EPHA7: variants seen among roughly 807,000 people sequenced by gnomAD.
The protein encoded by EPHA7 is ephrin type-A receptor 7.
EPHA7 carries 25 observed loss-of-function variants against 112.6 expected under a neutral mutation model. The ratio of observed to expected loss-of-function variants is 0.22; its 90% CI spans 0.16 to 0.31. The LOEUF (loss-of-function observed/expected upper bound fraction) is 0.31. Ranked by LOEUF, EPHA7 falls within the 10% of genes least tolerant of loss-of-function variation. The pLI, the probability that EPHA7 is intolerant of heterozygous loss-of-function variation, is 1.00. For missense variants in EPHA7, 962 were observed against 1,212.6 expected (o/e 0.79, Z 3.07); for synonymous variants, 437 against 406.5 (o/e 1.07, Z -0.90).
intron 9 of EPHA7, among the ~76,000 whole-genome samples, chr6:93,262,190 G>A (rs1475448212): frequency 6.6e-6 from 1 of 151,342 alleles, no homozygotes; most frequent in Non-Finnish European, 1.5e-5. Context: ...CTTCCTGTCT[G>A]GGGAAGTGTT....
At chr6:93,389,086 T>C (rs1777774603) in intron 3 of EPHA7, among the ~76,000 whole-genome samples, 1 of 152,052 alleles carries the variant, frequency 6.6e-6, no homozygotes, top group South Asian at 2.1e-4. Flanking sequence ...ATTTTGGAGA[T>C]ATTTGGAGAG....
intron 5 of EPHA7, among the ~76,000 whole-genome samples, chr6:93,294,288 C>A (rs749928959): frequency 6.6e-6 from 1 of 152,096 alleles, no homozygotes; most frequent in African/African-American, 2.4e-5. Flanking sequence ...AAAATAAATT[C>A]TTTTTCATGT....
chr6:93,378,336 G>C (rs193083746), intron 3 of EPHA7, among the ~76,000 whole-genome samples: 1 of 152,202 alleles, frequency 6.6e-6, no homozygotes, highest in Admixed American at 6.5e-5. Context: ...ATAGTGTTAT[G>C]ATAAGACTTG....
At chr6:93,416,580 C>G (rs1201621427) in intron 1 of EPHA7, among the ~76,000 whole-genome samples, 1 of 152,200 alleles carries the variant, frequency 6.6e-6, no homozygotes, top group Non-Finnish European at 1.5e-5. Flanking sequence ...TAATCGGAAG[C>G]CGCTCTCAAG....
chr6:93,316,043 A>G (rs1266914553), intron 5 of EPHA7, among the ~76,000 whole-genome samples: 1 of 152,180 alleles, frequency 6.6e-6, no homozygotes, highest in Admixed American at 6.5e-5. Context: ...GAAAGTGATA[A>G]GAGGGTACAA....
chr6:93,279,562 T>C (rs1006072333), intron 5 of EPHA7, among the ~76,000 whole-genome samples: 3 of 152,138 alleles, frequency 2.0e-5, no homozygotes, highest in Non-Finnish European at 4.4e-5. Flanking sequence ...AATGTGGCAA[T>C]TGTTAAAACT....
At chr6:93,400,215 C>A (rs1477621332) in intron 3 of EPHA7, among the ~76,000 whole-genome samples, 1 of 151,940 alleles carries the variant, frequency 6.6e-6, no homozygotes, top group Non-Finnish European at 1.5e-5. Flanking sequence ...TTTATTTAAC[C>A]TATATATTAG....
chr6:93,280,399 C>A (rs1253385093), intron 5 of EPHA7, among the ~76,000 whole-genome samples: 1 of 152,154 alleles, frequency 6.6e-6, no homozygotes, highest in Non-Finnish European at 1.5e-5. Flanking sequence ...CAAGATTGGG[C>A]ACACATTTTT....
chr6:93,358,210 G>A (rs1191469343), intron 4 of EPHA7, 46 bp downstream of exon 4: 4 of 1,471,830 alleles, frequency 2.7e-6, no homozygotes, highest in Non-Finnish European at 3.6e-6. Context: ...CAGTACAAAT[G>A]AGTGGAAGGG....
chr6:93,246,595 T>C (rs923213334), intron 15 of EPHA7, among the ~76,000 whole-genome samples, 197 bp downstream of exon 15: 16 of 152,146 alleles, frequency 1.1e-4, no homozygotes, highest in Admixed American at 8.5e-4. Context: ...CAATAACTAA[T>C]AGATTCTTTT....
In EPHA7 at chr6:93,243,534, C is replaced by G; in HGVS notation, c.2889G>C (p.Val963=). The change falls in exon 17 of 17, where the codon GTG becomes GTC. Residue 963 remains valine, a synonymous_variant. Coordinates refer to ENST00000369303, the MANE Select transcript of EPHA7 (RefSeq NM_004440.4). ...CAACCAGTGTGATCCCTAAACTCAT[C>G]ACATCCCTGAAAAAGACAAATGCAC... The part of the protein sequence containing the change: ...ESVARMTIED[V]MSLGITLVGH... The G allele has an allele frequency of 6.2e-7, 1 of 1,611,880 alleles. No individual in the cohort carries two copies. Among genetic ancestry groups the G allele is most frequent in the Non-Finnish European group, 8.5e-7 (1 of 1,178,190 alleles).
At position 93,412,550 on chromosome 6, in the gene EPHA7, G is replaced by A. The variant is rs114397777; in HGVS notation, c.163-1380C>T. Among the ~76,000 whole-genome samples the A allele has an allele frequency of 5.1e-3, 783 of 152,124 alleles. 4 individuals carry two copies. The highest frequency in any genetic ancestry group is 0.018 in the African/African-American group (743 of 41,538). ...AATGTAGTAAAGAACCCATTTTAAT[G>A]TTCAGCTTTTACTCAGTTCAACTTG... On this transcript the variant is annotated intron_variant, in intron 2 of 16. Coordinates refer to ENST00000369303, the MANE Select transcript of EPHA7 (RefSeq NM_004440.4).
intron 5 of EPHA7, among the ~76,000 whole-genome samples, chr6:93,272,981 C>G (rs1032691977): frequency 6.6e-6 from 1 of 151,744 alleles, no homozygotes; most frequent in African/African-American, 2.4e-5. Flanking sequence ...GGTCAAGATG[C>G]AAGAAAATGC....
intron 3 of EPHA7, among the ~76,000 whole-genome samples, chr6:93,368,633 G>A (rs1347623421): frequency 6.6e-6 from 1 of 152,022 alleles, no homozygotes; most frequent in Non-Finnish European, 1.5e-5. Flanking sequence ...TATTTGTGGT[G>A]CAAGCCTTGA....
rs763098772 is a variant in EPHA7 at position 93,411,150 on chromosome 6, C to A, written c.183G>T (p.Leu61Phe). Residue 61 changes from leucine (L) to phenylalanine (F), a missense_variant, in exon 3 of 17, where the codon TTG becomes TTT. Around this residue, in one of 3 missense-constraint regions of EPHA7, gnomAD observed 160 missense variants for 263.6 expected, o/e 0.61. Coordinates refer to ENST00000369303, the MANE Select transcript of EPHA7 (RefSeq NM_004440.4). Reference protein sequence around the residue: ...PPNGWEEISGLDENYTPIRTY... With the variant: ...PPNGWEEISGFDENYTPIRTY... ...TTCGTATCGGGGTATAGTTCTCATC[C>A]AAACCACTAATTTCTTCCCACTGTA... is the stretch of plus-strand genomic sequence containing the variant. 1.9e-6 allele frequency: 3 copies of A among 1,609,764 alleles called. No individual in the cohort carries two copies. The South Asian group carries it at 3.3e-5, about 18-fold the overall frequency.
chr6:93,388,838 A>C (rs960940759), intron 3 of EPHA7, among the ~76,000 whole-genome samples: 15 of 152,136 alleles, frequency 9.9e-5, no homozygotes, highest in African/African-American at 3.6e-4. Context: ...TTTTGATTAA[A>C]TATTAAGAAA....
At chr6:93,302,693 C>G (rs953704753) in intron 5 of EPHA7, among the ~76,000 whole-genome samples, 6 of 152,052 alleles carry the variant, frequency 3.9e-5, no homozygotes, top group Admixed American at 6.6e-5. Context: ...GTTAGAAGAG[C>G]TGACAAGCCT....
chr6:93,333,911 C>A (rs1377204914), intron 5 of EPHA7, among the ~76,000 whole-genome samples: 1 of 151,886 alleles, frequency 6.6e-6, no homozygotes, highest in Non-Finnish European at 1.5e-5. Flanking sequence ...TATCAAAATA[C>A]CGATGAAATT....
At chr6:93,319,295 G>A (rs557573826) in intron 5 of EPHA7, among the ~76,000 whole-genome samples, 1 of 152,110 alleles carries the variant, frequency 6.6e-6, no homozygotes, top group South Asian at 2.1e-4. Flanking sequence ...GAGCATGCAG[G>A]GTTTGAACAA....
Sources: allele counts gnomAD v4.1 joint callset (sites outside exome capture counted in the v4.1 genomes callset), GRCh38; gene constraint gnomAD v4.1.1; regional missense constraint gnomAD v4.1.1; transcripts MANE v1.5; gene names NCBI Gene and HGNC (gene_info 2026-07-23, HGNC 2026-07-21).